ADGRL2: variants seen among roughly 807,000 people sequenced by gnomAD.
ADGRL2 encodes the protein calcium-independent alpha-latrotoxin receptor 2.
A neutral mutation model predicts 157.4 loss-of-function variants in ADGRL2; 44 were observed. That is an observed-to-expected ratio of 0.28 (90% CI 0.22 to 0.36). The LOEUF (loss-of-function observed/expected upper bound fraction) is 0.36. ADGRL2 is among the 10% of genes least tolerant of loss of function. The pLI is 1.00. For synonymous variants in ADGRL2, 585 were observed against 624.7 expected (o/e 0.94, Z 0.95); for missense variants, 1,510 against 1,768.9 (o/e 0.85, Z 2.63).
upstream of ADGRL2, among the ~76,000 whole-genome samples, chr1:81,699,300 AG>A (rs1194280253): frequency 1.2e-4 from 19 of 152,234 alleles, no homozygotes; most frequent in African/African-American, 4.3e-4. Context: ...GATTCTAAAA[AG>A]GAAACAAACA....
intron 1 of ADGRL2, among the ~76,000 whole-genome samples, chr1:81,827,591 A>G (rs921556568): frequency 1.3e-5 from 2 of 152,076 alleles, no homozygotes; most frequent in African/African-American, 4.8e-5. Flanking sequence ...TTTGAGATAG[A>G]ATCTCTCTTC....
At chr1:81,320,676 G>A (rs1660441632) in intron 1 of ADGRL2, among the ~76,000 whole-genome samples, 1 of 152,200 alleles carries the variant, frequency 6.6e-6, no homozygotes, top group Non-Finnish European at 1.5e-5. Flanking sequence ...TGAGCAGTGG[G>A]TCTTCATAAT....
chr1:81,775,371 T>C (rs1337140247), intron 2 of ADGRL2, among the ~76,000 whole-genome samples: 1 of 152,178 alleles, frequency 6.6e-6, no homozygotes, highest in Admixed American at 6.5e-5. Context: ...AACTCTGCTG[T>C]AGTCTGTGCT....
chr1:81,501,086 A>G lies in ADGRL2; in HGVS notation c.-248+55997A>G, dbSNP rs545480302. 1.5e-4 allele frequency among the ~76,000 whole-genome samples: 23 copies of G among 152,338 alleles called. No individual in the cohort carries two copies. The South Asian group carries it at 4.8e-3, about 32-fold the overall frequency. ...TTGCCTATCCTAAAGACTAGAAAGT[A>G]CTCATTAGTACCATAGAGCTAACTC... is the stretch of plus-strand genomic sequence containing the variant. On this transcript the variant is annotated intron_variant, in intron 2 of 24. Coordinates refer to the ADGRL2 transcript ENST00000370721.
chr1:81,807,085 CA>C (rs1250240640), intron 1 of ADGRL2, among the ~76,000 whole-genome samples: 2 of 151,806 alleles, frequency 1.3e-5, no homozygotes, highest in Non-Finnish European at 3.0e-5. Context: ...AGATTATTTG[CA>C]AAAATGCCTA....
chr1:81,353,391 A>G (rs1663054245), intron 1 of ADGRL2, among the ~76,000 whole-genome samples: 1 of 152,150 alleles, frequency 6.6e-6, no homozygotes, highest in Admixed American at 6.5e-5. Flanking sequence ...GATAAGAAAC[A>G]AGTTTGGGAG....
chr1:81,851,573 A>G (rs555275293), intron 2 of ADGRL2, among the ~76,000 whole-genome samples: 50 of 151,986 alleles, frequency 3.3e-4, no homozygotes, highest in African/African-American at 9.4e-4. Context: ...TTTTATATAG[A>G]TTTATACATC....
intron 1 of ADGRL2, among the ~76,000 whole-genome samples, chr1:81,342,429 C>T (rs1662139865): frequency 6.6e-6 from 1 of 152,008 alleles, no homozygotes; most frequent in Non-Finnish European, 1.5e-5. Context: ...ATCAATTGGT[C>T]TTGTCTGAAT....
chr1:81,794,268 G>A lies in ADGRL2; in HGVS notation c.-101+32416G>A, dbSNP rs561656878. 2.1e-4 allele frequency among the ~76,000 whole-genome samples: 32 copies of A among 152,190 alleles called. No individual in the cohort carries two copies. The South Asian group carries it at 6.4e-3, about 31-fold the overall frequency. On this transcript the variant is annotated intron_variant, in intron 2 of 20. Transcript: ENST00000359929. ...AGGATATTGTACTAATTAAGTTGCC[G>A]TCATTTTCGGGACAACTAAAGTTGC...
chr1:81,944,570 A>T (rs554049298), intron 6 of ADGRL2, among the ~76,000 whole-genome samples: 192 of 152,240 alleles, frequency 1.3e-3, no homozygotes, highest in African/African-American at 4.4e-3. Context: ...TGATGAAAGA[A>T]TAATTTGTTA....
intron 2 of ADGRL2, among the ~76,000 whole-genome samples, chr1:81,841,734 G>T (rs771272056): frequency 1.3e-5 from 2 of 152,156 alleles, no homozygotes; most frequent in Admixed American, 6.5e-5. Context: ...GGGCAGGGAT[G>T]TTTTGTTGTT....
intron 18 of ADGRL2, chr1:81,980,902 G>T: frequency 1.6e-6 from 1 of 612,856 alleles, no homozygotes; most frequent in South Asian, 2.2e-5. Flanking sequence ...AAATTCGTCA[G>T]TATCATGAAT....
At chr1:81,402,578 A>G (rs914401272) in intron 1 of ADGRL2, among the ~76,000 whole-genome samples, 1 of 152,170 alleles carries the variant, frequency 6.6e-6, no homozygotes, top group African/African-American at 2.4e-5. Flanking sequence ...TGCTACAACT[A>G]CTGTGAAAAA....
intron 2 of ADGRL2, among the ~76,000 whole-genome samples, chr1:81,468,230 G>C (rs1056755462): frequency 9.2e-5 from 14 of 152,126 alleles, no homozygotes; most frequent in Non-Finnish European, 1.9e-4. Flanking sequence ...TTGATAATTG[G>C]CCACAAATAA....
chr1:81,336,417 C>A (rs1661647431), intron 1 of ADGRL2, among the ~76,000 whole-genome samples: 1 of 151,990 alleles, frequency 6.6e-6, no homozygotes, highest in African/African-American at 2.4e-5. Context: ...AGGTACAGAA[C>A]CAAGTGAGAC....
chr1:81,862,064 G>A (rs1048763242), intron 2 of ADGRL2, among the ~76,000 whole-genome samples: 1 of 151,996 alleles, frequency 6.6e-6, no homozygotes, highest in Admixed American at 6.6e-5. Context: ...TTACGTTTAC[G>A]CTGGAATTTT....
At chr1:81,637,348 T>C (rs1238770712) in intron 3 of ADGRL2, among the ~76,000 whole-genome samples, 1 of 152,162 alleles carries the variant, frequency 6.6e-6, no homozygotes, top group Non-Finnish European at 1.5e-5. Context: ...CTGAAGAGAA[T>C]ATTGAGAAGT....
chr1:81,464,488 A>G (rs915506568), intron 2 of ADGRL2, among the ~76,000 whole-genome samples: 2 of 152,316 alleles, frequency 1.3e-5, no homozygotes, highest in East Asian at 3.9e-4. Context: ...TCTGTTATTA[A>G]TGAACTTCCA....
At chr1:81,523,413 A>G (rs1321411141) in intron 2 of ADGRL2, among the ~76,000 whole-genome samples, 1 of 151,990 alleles carries the variant, frequency 6.6e-6, no homozygotes, top group East Asian at 1.9e-4. Context: ...TAATATTGGC[A>G]TGCATACACA....
Sources: gnomAD v4.1 joint callset for allele counts (sites outside exome capture counted in the v4.1 genomes callset) on GRCh38, gnomAD v4.1.1 for gene constraint, MANE v1.5 for transcripts, NCBI Gene and HGNC (gene_info 2026-07-23, HGNC 2026-07-21) for gene names.